ERAP1: variants seen among roughly 807,000 people sequenced by gnomAD.
ERAP1 encodes the protein endoplasmic reticulum aminopeptidase 1, also known as adipocyte-derived leucine aminopeptidase.
In ERAP1, 86 loss-of-function variants were observed where a neutral mutation model predicts 103.7. The ratio of observed to expected loss-of-function variants is 0.83; its 90% CI spans 0.70 to 0.99. The LOEUF is 0.99. Among genes scored for constraint, ERAP1 ranks in the 50% least tolerant of loss-of-function variants. ERAP1 has a pLI of 0.00. For missense variants in ERAP1, 1,009 were observed against 1,128.4 expected, an observed-to-expected ratio of 0.89 and a Z score of 1.52; for synonymous variants, 398 against 402.4, an observed-to-expected ratio of 0.99 and a Z score of 0.13.
chr5:96,850,867 C>T, the ERAP1 span, among the ~76,000 whole-genome samples: 1 of 152,172 alleles, frequency 6.6e-6, no homozygotes, highest in Non-Finnish European at 1.5e-5. Flanking sequence ...TAAAACTTCT[C>T]AACCTTATCT....
At chr5:96,827,377 A>G in the ERAP1 span, among the ~76,000 whole-genome samples, 1 of 152,244 alleles carries the variant, frequency 6.6e-6, no homozygotes, top group South Asian at 2.1e-4. Context: ...AAATAAAAAT[A>G]TAGGCTGGGC....
At chr5:96,794,522 C>A (rs1192451959) in intron 5 of ERAP1, among the ~76,000 whole-genome samples, 1 of 152,118 alleles carries the variant, frequency 6.6e-6, no homozygotes, top group Non-Finnish European at 1.5e-5. Flanking sequence ...TTCTAACCTT[C>A]TGATGAGGAG....
chr5:96,814,235 T>C, the ERAP1 span: 2 of 456,084 alleles, frequency 4.4e-6, no homozygotes, highest in African/African-American at 4.0e-5. Context: ...GACTGTTTTC[T>C]GGAGGCTGCT....
the ERAP1 span, among the ~76,000 whole-genome samples, chr5:96,885,371 G>A: frequency 0.024 from 3,583 of 152,262 alleles, 67 homozygotes; most frequent in Middle Eastern, 0.095. Context: ...AAATGGAGAC[G>A]GTTGTTGGGG....
intron 19 of ERAP1, chr5:96,767,932 T>C (rs201719277): frequency 1.2e-4 from 192 of 1,613,440 alleles, no homozygotes; most frequent in Admixed American, 1.3e-4. Context: ...CAAGACCCCA[T>C]TGATGCTCTC....
the ERAP1 span, among the ~76,000 whole-genome samples, chr5:96,933,274 G>A: frequency 4.0e-3 from 525 of 132,654 alleles, 2 homozygotes; most frequent in Non-Finnish European, 5.8e-3. Context: ...CTGGAGTGCA[G>A]TGGTGTGATC....
At chr5:96,807,483 G>T (rs566731914) in intron 1 of ERAP1, among the ~76,000 whole-genome samples, 1 of 152,324 alleles carries the variant, frequency 6.6e-6, no homozygotes, top group East Asian at 1.9e-4. Context: ...CCAGGCGCCA[G>T]GCGGAGCGCT....
chr5:96,895,169 T>C, the ERAP1 span: 1 of 795,734 alleles, frequency 1.3e-6, no homozygotes, highest in Admixed American at 2.9e-5. Flanking sequence ...AAAAAGTTAG[T>C]AACTATTGTA....
intron 13 of ERAP1, chr5:96,785,481 C>T (rs192803957): frequency 1.8e-5 from 7 of 390,070 alleles, no homozygotes; most frequent in South Asian, 6.4e-5. Context: ...GACCATGCCG[C>T]GGGGACAAGG....
chr5:96,850,219 G>A, the ERAP1 span, among the ~76,000 whole-genome samples: 1 of 152,234 alleles, frequency 6.6e-6, no homozygotes, highest in Non-Finnish European at 1.5e-5. Flanking sequence ...AAAGGCACAG[G>A]TAATAAAAGC....
chr5:96,860,197 G>A, the ERAP1 span, among the ~76,000 whole-genome samples: 1 of 152,076 alleles, frequency 6.6e-6, no homozygotes, highest in Admixed American at 6.6e-5. Context: ...GGGATTACAG[G>A]CGTGTGCCAC....
At chr5:96,916,549 C>T in the ERAP1 span, among the ~76,000 whole-genome samples, 3 of 148,582 alleles carry the variant, frequency 2.0e-5, no homozygotes, top group Admixed American at 6.7e-5. Flanking sequence ...CTGCAAGCTC[C>T]GCCTCCCAGG....
At chr5:96,878,629 C>T in the ERAP1 span, among the ~76,000 whole-genome samples, 2 of 151,142 alleles carry the variant, frequency 1.3e-5, no homozygotes, top group Non-Finnish European at 3.0e-5. Flanking sequence ...CATTGTCTTT[C>T]AAAAAAAATA....
At chr5:96,781,890 T>G in intron 15 of ERAP1, 36 bp from the exon 16 acceptor site, 1 of 1,609,232 alleles carries the variant, frequency 6.2e-7, no homozygotes, top group East Asian at 2.2e-5. Context: ...GAATCTGAGG[T>G]GCAGTAAGTA....
rs777491138 is a variant in ERAP1, at chr5:96,792,177, C to T, written c.1204G>A (p.Gly402Ser). ...ACCTCCATTGCGTCAAAACATTTGC[C>T]AAAGAAATAATCTCCCTATTGAGAT... Reference protein sequence around the residue: ...PELKVGDYFFGKCFDAMEVDA... With the variant: ...PELKVGDYFFSKCFDAMEVDA... Residue 402 changes from glycine to serine, a missense_variant, in exon 8 of 19, where the codon GGC becomes AGC. Coordinates refer to ENST00000443439, the MANE Select transcript of ERAP1 (RefSeq NM_001040458.3). 5 of 1,613,494 alleles carry T rather than the reference C, an allele frequency of 3.1e-6. No homozygotes were observed. The highest frequency in any genetic ancestry group is 4.2e-6 in the Non-Finnish European group (5 of 1,179,486).
the ERAP1 span, among the ~76,000 whole-genome samples, chr5:96,837,729 C>T: frequency 1.3e-5 from 2 of 152,220 alleles, no homozygotes; most frequent in Non-Finnish European, 2.9e-5. Flanking sequence ...GACAGCCTTT[C>T]GCACCTGTGC....
At chr5:96,912,680 C>T in the ERAP1 span, 2 of 1,610,190 alleles carry the variant, frequency 1.2e-6, no homozygotes, top group African/African-American at 1.3e-5. Flanking sequence ...TGTGGGTGCT[C>T]AGACAACAGC....
At chr5:96,870,242 A>G in the ERAP1 span, among the ~76,000 whole-genome samples, 1 of 152,230 alleles carries the variant, frequency 6.6e-6, no homozygotes, top group South Asian at 2.1e-4. Context: ...TTGAACACAA[A>G]CAATTTCATG....
chr5:96,891,317 C>A, the ERAP1 span, among the ~76,000 whole-genome samples: 1 of 150,994 alleles, frequency 6.6e-6, no homozygotes, highest in East Asian at 1.9e-4. Flanking sequence ...GGATAGTAAA[C>A]CATGCGCATA....
Sources: gnomAD v4.1 joint callset for allele counts (sites outside exome capture counted in the v4.1 genomes callset) on GRCh38, gnomAD v4.1.1 for gene constraint, MANE v1.5 for transcripts, NCBI Gene and HGNC (gene_info 2026-07-23, HGNC 2026-07-21) for gene names.